The following GFRA1 variants were observed in gnomAD, a reference collection of about 807,000 sequenced individuals.
GFRA1 encodes GDNF family receptor alpha-1.
A neutral mutation model predicts 51.6 loss-of-function variants in GFRA1; 16 were observed. That is an observed-to-expected ratio of 0.31 (90% CI 0.21 to 0.47). The LOEUF (loss-of-function observed/expected upper bound fraction) is 0.47, where lower values mean the gene tolerates loss of function less well. Among genes scored for constraint, GFRA1 ranks in the 20% least tolerant of loss-of-function variants. GFRA1 has a pLI of 1.00. For missense variants in GFRA1, 530 were observed against 594.3 expected, an observed-to-expected ratio of 0.89 and a Z score of 1.13; for synonymous variants, 270 against 241.3, an observed-to-expected ratio of 1.12 and a Z score of -1.10.
chr10:116,096,050 C>T (rs1403520400), intron 7 of GFRA1, among the ~76,000 whole-genome samples: 1 of 152,068 alleles, frequency 6.6e-6, no homozygotes, highest in Non-Finnish European at 1.5e-5. Flanking sequence ...ATGCTGAGAA[C>T]ATGGTTCTTC....
At chr10:116,160,751 C>A (rs914225603) in intron 5 of GFRA1, among the ~76,000 whole-genome samples, 1 of 152,204 alleles carries the variant, frequency 6.6e-6, no homozygotes, top group African/African-American at 2.4e-5. Context: ...ATTTAGACAA[C>A]CCCCAAGTGG....
At chr10:116,156,114 G>A (rs1242653700) in intron 5 of GFRA1, among the ~76,000 whole-genome samples, 1 of 152,210 alleles carries the variant, frequency 6.6e-6, no homozygotes, top group Non-Finnish European at 1.5e-5. Flanking sequence ...AAGCAAAACT[G>A]TGTGTTCCTA....
Position 116,089,731 on chromosome 10 carries a change from C to G in GFRA1, c.1197+10G>C, listed in dbSNP as rs768280990. The stretch of plus-strand genomic sequence containing the variant: ...GGAGCCCCAGCAAGGAATCTGGACG[C>G]AGTTCTCACCTGTAAATTTGCACAC... On this transcript the variant is annotated intron_variant, in intron 9 of 10. Coordinates refer to ENST00000355422, the MANE Select transcript of GFRA1 (RefSeq NM_005264.8). 1 of 1,612,186 alleles carries G rather than the reference C, an allele frequency of 6.2e-7. No homozygotes were observed. Among genetic ancestry groups the G allele is most frequent in the Non-Finnish European group, 8.5e-7 (1 of 1,178,362 alleles).
chr10:116,109,693 C>A (rs1047817735), intron 6 of GFRA1, among the ~76,000 whole-genome samples: 4 of 152,158 alleles, frequency 2.6e-5, no homozygotes, highest in African/African-American at 9.7e-5. Context: ...AGCAGCCTTC[C>A]TTCACCGCAG....
upstream of GFRA1, among the ~76,000 whole-genome samples, chr10:116,274,152 G>T (rs1844133918): frequency 6.6e-6 from 1 of 151,824 alleles, no homozygotes; most frequent in Non-Finnish European, 1.5e-5. Context: ...GTTCCCAGTC[G>T]TGCTGCTCAC....
intron 7 of GFRA1, among the ~76,000 whole-genome samples, chr10:116,094,475 G>A (rs1312040376): frequency 6.6e-6 from 1 of 152,130 alleles, no homozygotes; most frequent in African/African-American, 2.4e-5. Flanking sequence ...GAAATGCTGG[G>A]TGGTCCTTCC....
intron 5 of GFRA1, among the ~76,000 whole-genome samples, chr10:116,152,014 T>C (rs973083629): frequency 5.9e-5 from 9 of 151,966 alleles, no homozygotes; most frequent in African/African-American, 2.2e-4. Context: ...AGCTTGGTGA[T>C]TTGAAGAAAT....
In GFRA1 at chr10:116,271,055, TC is replaced by T; in HGVS notation, c.100del (p.Asp34IlefsTer4). 1 of 1,613,424 alleles carries T rather than the reference TC, an allele frequency of 6.2e-7. No homozygotes were observed. On this transcript the variant is annotated frameshift_variant, in exon 3 of 11. Transcript: ENST00000355422. LOFTEE classifies it high-confidence loss of function. ...GDRLDCVKAS[D>X]QCLKEQSCST... ...GCAGCTCTGCTCCTTCAGGCACTGA[TC>T]ACTGGCTTTCACGCAATCCAGGCGG... is the stretch of plus-strand genomic sequence containing the variant.
intron 5 of GFRA1, among the ~76,000 whole-genome samples, chr10:116,162,080 C>T (rs1589834821): frequency 6.6e-6 from 1 of 152,234 alleles, no homozygotes; most frequent in African/African-American, 2.4e-5. Context: ...GAACAACATT[C>T]TCTTTCCTGA....
Position 116,112,151 on chromosome 10 carries a change from TTCCATTCGATTTTG to T in GFRA1, c.770+13056_770+13069del, listed in dbSNP as rs530954175. On this transcript the variant is annotated intron_variant, in intron 6 of 10. Coordinates refer to ENST00000355422, the MANE Select transcript of GFRA1 (RefSeq NM_005264.8). ...TTGAGTGTGAAAGATTTTGTCTTAT[TTCCATTCGATTTTG>T]TCCATTCGATTTTGCCTTATTTCCA... 1.3e-3 allele frequency among the ~76,000 whole-genome samples: 193 copies of T among 152,358 alleles called. 1 individual carries two copies. Among genetic ancestry groups the T allele is most frequent in the Admixed American group, 4.8e-3 (74 of 15,310 alleles).
At chr10:116,200,720 T>G (rs1473978424) in intron 5 of GFRA1, among the ~76,000 whole-genome samples, 2 of 152,202 alleles carry the variant, frequency 1.3e-5, no homozygotes, top group East Asian at 3.9e-4. Flanking sequence ...CTCTCTGGTC[T>G]TTTTTTATAA....
chr10:116,178,693 G>A lies in GFRA1; in HGVS notation c.433+32938C>T, dbSNP rs114438673. ...ACGGTGTGTGTCTTCGCCAGCATCGGCAAATACACTCAAACCAAGGGAGCC... is the reference window on the plus strand; with the variant it reads ...ACGGTGTGTGTCTTCGCCAGCATCGACAAATACACTCAAACCAAGGGAGCC... On this transcript the variant is annotated intron_variant, in intron 5 of 10. Transcript: ENST00000355422. Among the ~76,000 whole-genome samples, 1,517 of 152,216 alleles carry A rather than the reference G, an allele frequency of 1.0e-2. 23 individuals carry two copies. The highest frequency in any genetic ancestry group is 0.035 in the African/African-American group (1,441 of 41,524).
At chr10:116,203,994 C>T (rs1469204510) in intron 5 of GFRA1, among the ~76,000 whole-genome samples, 2 of 152,112 alleles carry the variant, frequency 1.3e-5, no homozygotes, top group African/African-American at 4.8e-5. Context: ...GAGAACAAGC[C>T]TGGGTCTGGC....
At chr10:116,146,037 TATAA>T (rs1031231137) in intron 5 of GFRA1, among the ~76,000 whole-genome samples, 1 of 152,026 alleles carries the variant, frequency 6.6e-6, no homozygotes, top group Non-Finnish European at 1.5e-5. Flanking sequence ...CACATTTGTG[TATAA>T]ATAATATATA....
chr10:116,171,047 T>C (rs937762742), intron 5 of GFRA1, among the ~76,000 whole-genome samples: 2 of 152,192 alleles, frequency 1.3e-5, no homozygotes, highest in Non-Finnish European at 2.9e-5. Context: ...AAAACCTCTC[T>C]CCCTGACAGT....
chr10:116,237,849 C>G (rs1248347616), intron 4 of GFRA1, among the ~76,000 whole-genome samples: 4 of 152,156 alleles, frequency 2.6e-5, no homozygotes, highest in Non-Finnish European at 5.9e-5. Flanking sequence ...AAGCTCTGCA[C>G]AAAAAGGTCA....
At position 116,196,826 on chromosome 10, in the gene GFRA1, C is replaced by A. The variant is rs1486809709; in HGVS notation, c.433+14805G>T. ...ATATAAATATATAAATATAAAAATACTTATAAATATATATATATATATTTT... is the reference window on the plus strand; with the variant it reads ...ATATAAATATATAAATATAAAAATAATTATAAATATATATATATATATTTT... On this transcript the variant is annotated intron_variant, in intron 5 of 10. Coordinates refer to ENST00000355422, the MANE Select transcript of GFRA1 (RefSeq NM_005264.8). Among the ~76,000 whole-genome samples, 21 of 103,812 alleles carry A rather than the reference C, an allele frequency of 2.0e-4. 1 individual carries two copies. The highest frequency in any genetic ancestry group is 6.9e-4 in the African/African-American group (19 of 27,588). 68.1% of individuals were successfully genotyped at this position (103,812 alleles called of 152,430 possible).
At chr10:116,178,455 T>C (rs1961871629) in intron 5 of GFRA1, among the ~76,000 whole-genome samples, 1 of 152,246 alleles carries the variant, frequency 6.6e-6, no homozygotes, top group Non-Finnish European at 1.5e-5. Flanking sequence ...CTTTTCTGTG[T>C]GTTACAAAGT....
At chr10:116,269,850 C>G (rs924577848) in intron 3 of GFRA1, among the ~76,000 whole-genome samples, 2 of 152,014 alleles carry the variant, frequency 1.3e-5, no homozygotes, top group Non-Finnish European at 2.9e-5. Context: ...CCACTCTTTG[C>G]AAAGGAATAG....
Sources: gnomAD v4.1 joint callset for allele counts (sites outside exome capture counted in the v4.1 genomes callset) on GRCh38, gnomAD v4.1.1 for gene constraint, MANE v1.5 for transcripts, NCBI Gene and HGNC (gene_info 2026-07-23, HGNC 2026-07-21) for gene names.